Variants in ADARB2 observed in about 807,000 individuals in gnomAD.
ADARB2 encodes inactive double-stranded RNA-specific editase B2.
Under a neutral mutation model 62.2 loss-of-function variants are expected in ADARB2, and 25 were observed. The observed-to-expected ratio is 0.40, with a 90% CI of 0.29 to 0.56. The LOEUF (loss-of-function observed/expected upper bound fraction) is 0.56. Among genes scored for constraint, ADARB2 ranks in the 20% least tolerant of loss-of-function variants. The pLI, the probability that ADARB2 is intolerant of heterozygous loss-of-function variation, is 0.43. For synonymous variants in ADARB2, 572 were observed against 500.8 expected (o/e 1.14, Z -1.90); for missense variants, 1,071 against 1,077.4 (o/e 0.99, Z 0.08).
chr10:1,444,301 CCATCCATCCACT>C (rs1830939272), intron 1 of ADARB2, among the ~76,000 whole-genome samples: 1 of 139,178 alleles, frequency 7.2e-6, no homozygotes, highest in South Asian at 2.6e-4. Flanking sequence ...ATCCATCCAT[CCATCCATCCACT>C]CATTCATCCT....
rs74583649 is a variant in ADARB2 at position 1,591,813 on chromosome 10, C to A, written c.100+145238G>T. Among the ~76,000 whole-genome samples the A allele has an allele frequency of 9.8e-5, 15 of 152,340 alleles. No individual in the cohort carries two copies. The East Asian group carries it at 2.9e-3, about 29-fold the overall frequency. On this transcript the variant is annotated intron_variant, in intron 1 of 9. Transcript: ENST00000381312. Reference sequence around the variant, plus strand: ...CTTAGGGCAGGGACTTGGTTCAGCACAATTTCATCTATTATTCAGCAATCT... The same window carrying A: ...CTTAGGGCAGGGACTTGGTTCAGCAAAATTTCATCTATTATTCAGCAATCT...
chr10:1,582,168 A>C (rs966141718), intron 1 of ADARB2, among the ~76,000 whole-genome samples: 2 of 152,196 alleles, frequency 1.3e-5, no homozygotes, highest in African/African-American at 4.8e-5. Flanking sequence ...GAAATGGATT[A>C]AGTGGTAGAT....
chr10:1,186,609 C>G, intron 8 of ADARB2: 1 of 516,658 alleles, frequency 1.9e-6, no homozygotes, highest in Middle Eastern at 3.2e-4. Context: ...GGCCTGCTGT[C>G]CTGTGGTGCT....
At chr10:1,343,670 C>T (rs1026299187) in intron 3 of ADARB2, among the ~76,000 whole-genome samples, 3 of 152,232 alleles carry the variant, frequency 2.0e-5, no homozygotes, top group Non-Finnish European at 4.4e-5. Flanking sequence ...GCTACATATA[C>T]ACCATGGAAT....
intron 3 of ADARB2, among the ~76,000 whole-genome samples, chr10:1,314,493 G>A (rs1246180581): frequency 1.3e-5 from 2 of 151,646 alleles, no homozygotes; most frequent in Non-Finnish European, 2.9e-5. Flanking sequence ...TTCCCACATC[G>A]GCCCTTCCAC....
intron 1 of ADARB2, among the ~76,000 whole-genome samples, chr10:1,501,836 G>C (rs528596358): frequency 1.3e-5 from 2 of 152,276 alleles, no homozygotes; most frequent in East Asian, 3.9e-4. Context: ...GAACCTGGAG[G>C]GCAGAAATTC....
At chr10:1,358,798 C>T (rs1296358670) in intron 3 of ADARB2, among the ~76,000 whole-genome samples, 2 of 152,052 alleles carry the variant, frequency 1.3e-5, no homozygotes, top group Middle Eastern at 3.2e-3. Flanking sequence ...ATTTAAAAAA[C>T]AAAGAAATAA....
At chr10:1,688,099 C>T (rs974582799) in intron 1 of ADARB2, among the ~76,000 whole-genome samples, 4 of 152,340 alleles carry the variant, frequency 2.6e-5, no homozygotes, top group African/African-American at 9.6e-5. Flanking sequence ...TTCGTGTTGT[C>T]CCATTGTCTG....
chr10:1,720,391 C>G (rs924465142), intron 1 of ADARB2, among the ~76,000 whole-genome samples: 4 of 152,156 alleles, frequency 2.6e-5, no homozygotes, highest in African/African-American at 4.8e-5. Flanking sequence ...CGGAGAAGAA[C>G]AAGGATTGAA....
At chr10:1,647,443 G>A (rs965831600) in intron 1 of ADARB2, among the ~76,000 whole-genome samples, 3 of 152,254 alleles carry the variant, frequency 2.0e-5, no homozygotes, top group Middle Eastern at 3.4e-3. Context: ...GTATACCTGT[G>A]TATATACATT....
intron 1 of ADARB2, among the ~76,000 whole-genome samples, chr10:1,580,668 G>C (rs1212906725): frequency 6.6e-6 from 1 of 152,136 alleles, no homozygotes; most frequent in African/African-American, 2.4e-5. Context: ...CCTTCTATGG[G>C]CTTGGACCGG....
chr10:1,356,073 T>C (rs1832192395), intron 3 of ADARB2, among the ~76,000 whole-genome samples: 2 of 152,330 alleles, frequency 1.3e-5, no homozygotes, highest in South Asian at 4.1e-4. Flanking sequence ...TTTTTTTCCA[T>C]GTGTAATGAC....
intron 1 of ADARB2, among the ~76,000 whole-genome samples, chr10:1,650,769 T>C (rs1193818064): frequency 2.0e-5 from 3 of 152,122 alleles, no homozygotes; most frequent in African/African-American, 7.2e-5. Context: ...TAATGACACT[T>C]GAGGAAGATG....
At chr10:1,642,558 A>G (rs1833990673) in intron 1 of ADARB2, among the ~76,000 whole-genome samples, 1 of 152,198 alleles carries the variant, frequency 6.6e-6, no homozygotes, top group Non-Finnish European at 1.5e-5. Context: ...AAAAACCACC[A>G]CATTGGTATA....
At chr10:1,571,038 T>C (rs899408053) in intron 1 of ADARB2, among the ~76,000 whole-genome samples, 2 of 152,234 alleles carry the variant, frequency 1.3e-5, no homozygotes, top group African/African-American at 2.4e-5. Flanking sequence ...TGGAATTGAA[T>C]TGATTCCATT....
chr10:1,370,661 G>A (rs975119472), intron 2 of ADARB2, among the ~76,000 whole-genome samples: 1 of 152,262 alleles, frequency 6.6e-6, no homozygotes, highest in South Asian at 2.1e-4. Flanking sequence ...CATCAATAAT[G>A]TTTAAGCTGA....
At chr10:1,463,214 G>A (rs1831201498) in intron 1 of ADARB2, among the ~76,000 whole-genome samples, 1 of 152,186 alleles carries the variant, frequency 6.6e-6, no homozygotes, top group South Asian at 2.1e-4. Flanking sequence ...GTGTGTGGGG[G>A]CAGATGCCTG....
rs574412922 is a variant in ADARB2 at position 1,609,679 on chromosome 10, C to G, written c.100+127372G>C. On this transcript the variant is annotated intron_variant, in intron 1 of 9. Transcript: ENST00000381312. The stretch of plus-strand genomic sequence containing the variant: ...GAAAGAACACCCTAGGAAGACGCTT[C>G]CCTTGGGGACACTCTTTTATCAACA... 7.1e-4 allele frequency among the ~76,000 whole-genome samples: 108 copies of G among 152,378 alleles called. 1 individual carries two copies. Among genetic ancestry groups the G allele is most frequent in the South Asian group, 4.1e-3 (20 of 4,834 alleles).
At chr10:1,510,015 T>G (rs1831901594) in intron 1 of ADARB2, among the ~76,000 whole-genome samples, 2 of 150,006 alleles carry the variant, frequency 1.3e-5, no homozygotes, top group African/African-American at 4.8e-5. Flanking sequence ...TTTTCTTTCT[T>G]CTTTCTTTTT....
Sources: allele counts gnomAD v4.1 joint callset (sites outside exome capture counted in the v4.1 genomes callset), GRCh38; gene constraint gnomAD v4.1.1; transcripts MANE v1.5; gene names NCBI Gene and HGNC (gene_info 2026-07-23, HGNC 2026-07-21).